The following EFS variants were observed in gnomAD, a reference collection of about 807,000 sequenced individuals.
EFS encodes embryonal Fyn-associated substrate, also known as Cas scaffolding protein family member 3.
A neutral mutation model predicts 42.2 loss-of-function variants in EFS; 34 were observed. The ratio of observed to expected loss-of-function variants is 0.81; its 90% CI spans 0.61 to 1.07. The LOEUF (loss-of-function observed/expected upper bound fraction) is 1.07, where lower values mean the gene tolerates loss of function less well. Ranked by LOEUF, EFS falls within the 50% of genes least tolerant of loss-of-function variation. The probability of loss-of-function intolerance (pLI) is 0.00; values close to 1 mark genes in which losing one functional copy is unlikely to be tolerated. For missense variants in EFS, 717 were observed against 729.4 expected, an observed-to-expected ratio of 0.98 and a Z score of 0.20; for synonymous variants, 299 against 320.7, an observed-to-expected ratio of 0.93 and a Z score of 0.72.
At chr14:23,363,841 G>A (rs1890233400) in intron 1 of EFS, among the ~76,000 whole-genome samples, 2 of 152,116 alleles carry the variant, frequency 1.3e-5, no homozygotes, top group Non-Finnish European at 2.9e-5. Context: ...GGCTGAGGTA[G>A]GTGGATCACC....
rs1889936173 is a variant in EFS at position 23,357,092 on chromosome 14, G to A, written c.*134C>T. On this transcript the variant is annotated 3_prime_UTR_variant, in exon 6 of 6. Coordinates refer to ENST00000216733, the MANE Select transcript of EFS (RefSeq NM_005864.4). ...AGAAGACACCTCTGTGAGAGGTTGA[G>A]ATGAGCAGAAAGGGCAGGAAAGGGG... 7.4e-6 allele frequency: 6 copies of A among 805,578 alleles called. No homozygotes were observed. The South Asian group carries it at 1.9e-4, about 26-fold the overall frequency. The allele number at this position is 805,578 out of a possible 1,614,324, so 49.9% of individuals were successfully genotyped here.
At chr14:23,358,463 G>A (rs1350840288) in intron 5 of EFS, among the ~76,000 whole-genome samples, 2 of 152,188 alleles carry the variant, frequency 1.3e-5, no homozygotes, top group Non-Finnish European at 2.9e-5. Flanking sequence ...CACTTTCTGA[G>A]GCCTGGAGAG....
intron 1 of EFS, among the ~76,000 whole-genome samples, chr14:23,363,798 G>A (rs1414780251): frequency 6.6e-6 from 1 of 152,132 alleles, no homozygotes; most frequent in Non-Finnish European, 1.5e-5. Context: ...AGCTGATGTG[G>A]TGGTGCGTGC....
rs769984243 is a variant in EFS, at chr14:23,357,298, C to A, written c.1614G>T (p.Met538Ile). The A allele has an allele frequency of 4.4e-6, 7 of 1,608,822 alleles. No individual in the cohort carries two copies. Among genetic ancestry groups the A allele is most frequent in the South Asian group, 3.3e-5 (3 of 90,728 alleles). ...GYPSSPAIQE[M>I]VQCVTELAGQ... ...CTGCCAGTTCTGTTACACACTGCACCATCTCTTGGATGGCAGGGCTGGATG... is the reference window on the plus strand; with the variant it reads ...CTGCCAGTTCTGTTACACACTGCACAATCTCTTGGATGGCAGGGCTGGATG... The change falls in exon 6 of 6, where the codon ATG (methionine) becomes ATT (isoleucine). Residue 538 changes from methionine to isoleucine, a missense_variant. Coordinates refer to ENST00000216733, the MANE Select transcript of EFS (RefSeq NM_005864.4).
Position 23,365,003 on chromosome 14 carries a change from C to A in EFS, c.18+5G>T. On this transcript the variant is annotated splice_donor_5th_base_variant and intron_variant, in intron 1 of 5. Transcript: ENST00000216733. The surrounding 1 kb of genome is among the most constrained non-coding windows in gnomAD (Gnocchi z 5.3). Reference sequence around the variant, plus strand: ...CCGGCAGCCTCCACTCCCTGGTGGACTCACCGACGTGGCAATGGCCATGGC... The same window carrying A: ...CCGGCAGCCTCCACTCCCTGGTGGAATCACCGACGTGGCAATGGCCATGGC... 1 of 1,334,558 alleles carries A rather than the reference C, an allele frequency of 7.5e-7. No individual in the cohort carries two copies. Among genetic ancestry groups the A allele is most frequent in the Non-Finnish European group, 9.7e-7 (1 of 1,032,364 alleles). The allele number at this position is 1,334,558 out of a possible 1,614,324, so 82.7% of individuals were successfully genotyped here.
At position 23,359,780 on chromosome 14, in the gene EFS, T is replaced by C; in HGVS notation, c.698A>G (p.Tyr233Cys). Residue 233 changes from tyrosine to cysteine, a missense_variant, in exon 4 of 6, where the codon TAT becomes TGT. Transcript: ENST00000216733. ...LKRASALLNL[Y>C]EAPEELLADG... ...TGCCAGCAGTTCCTCGGGTGCTTCA[T>C]ACAAATTGAGTAAGGCTGACGCTCG... 2.6e-6 allele frequency: 4 copies of C among 1,520,652 alleles called. No individual in the cohort carries two copies. The highest frequency in any genetic ancestry group is 1.8e-6 in the Non-Finnish European group (2 of 1,136,228). 94.2% of individuals were successfully genotyped at this position (1,520,652 alleles called of 1,614,324 possible).
intron 1 of EFS, 82 bp from the exon 2 acceptor site, chr14:23,360,915 C>T (rs959988036): frequency 3.7e-6 from 5 of 1,367,374 alleles, no homozygotes; most frequent in Non-Finnish European, 4.8e-6. Flanking sequence ...CCCTTCGGAG[C>T]TCCGCATTTC....
chr14:23,359,959 C>A lies in EFS; in HGVS notation c.519G>T (p.Leu173=). Residue 173 remains leucine (L), a synonymous_variant, in exon 4 of 6, where the codon CTG becomes CTT. Transcript: ENST00000216733. The part of the protein sequence containing the change: ...YDCPASFSHP[L]TRVAPQPPGE... ...CAGGGGGCTGCGGGGCAACCCGGGT[C>A]AGAGGGTGGGAAAAGGAGGCAGGGC... The A allele has an allele frequency of 6.4e-7, 1 of 1,573,948 alleles. No homozygotes were observed. The highest frequency in any genetic ancestry group is 8.6e-7 in the Non-Finnish European group (1 of 1,161,196).
Position 23,357,666 on chromosome 14 carries a change from G to A in EFS, c.1252-6C>T. The A allele has an allele frequency of 6.6e-7, 1 of 1,514,608 alleles. No individual in the cohort carries two copies. 93.8% of individuals were successfully genotyped at this position (1,514,608 alleles called of 1,614,324 possible). On this transcript the variant is annotated splice_region_variant and splice_polypyrimidine_tract_variant and intron_variant, in intron 5 of 5. Coordinates refer to ENST00000216733, the MANE Select transcript of EFS (RefSeq NM_005864.4). The stretch of plus-strand genomic sequence containing the variant: ...TCCCCTGGGGACAGGGCCTCCTGAA[G>A]GGCAAGAGGAGTGGTCAGAGAGAAC...
intron 4 of EFS, 95 bp from the exon 5 acceptor site, chr14:23,359,060 C>A: frequency 8.2e-7 from 1 of 1,226,650 alleles, no homozygotes; most frequent in South Asian, 1.5e-5. Flanking sequence ...CCCCTTCCTT[C>A]CGAAGGACAC....
At chr14:23,362,011 G>GT in intron 1 of EFS, among the ~76,000 whole-genome samples, 1 of 152,234 alleles carries the variant, frequency 6.6e-6, no homozygotes, top group Non-Finnish European at 1.5e-5. Flanking sequence ...AATTACAAAT[G>GT]TAGGAATCTA....
rs764112476 is a variant in EFS at position 23,359,751 on chromosome 14, C to T, written c.727G>A (p.Gly243Arg). The change falls in exon 4 of 6, where the codon GGG (glycine) becomes AGG (arginine). Residue 243 changes from glycine (G) to arginine (R), a missense_variant. Transcript: ENST00000216733. Reference sequence around the variant, plus strand: ...CCCTCATCAGTGCCCCCGCCCTCCCCGTCTGCCAGCAGTTCCTCGGGTGCT... The same window carrying T: ...CCCTCATCAGTGCCCCCGCCCTCCCTGTCTGCCAGCAGTTCCTCGGGTGCT... ...YEAPEELLAD[G>R]EGGGTDEGIY... 11 of 1,515,294 alleles carry T rather than the reference C, an allele frequency of 7.3e-6. No individual in the cohort carries two copies. Among genetic ancestry groups the T allele is most frequent in the African/African-American group, 4.2e-5 (3 of 71,458 alleles). 93.9% of individuals were successfully genotyped at this position (1,515,294 alleles called of 1,614,324 possible).
Position 23,357,672 on chromosome 14 carries a change from G to A in EFS, c.1252-12C>T. Reference sequence around the variant, plus strand: ...GGGGACAGGGCCTCCTGAAGGGCAAGAGGAGTGGTCAGAGAGAACATTCTC... The same window carrying A: ...GGGGACAGGGCCTCCTGAAGGGCAAAAGGAGTGGTCAGAGAGAACATTCTC... On this transcript the variant is annotated splice_polypyrimidine_tract_variant and intron_variant, in intron 5 of 5. Coordinates refer to ENST00000216733, the MANE Select transcript of EFS (RefSeq NM_005864.4). 6.6e-7 allele frequency: 1 copy of A among 1,511,392 alleles called. No individual in the cohort carries two copies. The highest frequency in any genetic ancestry group is 2.3e-5 in the East Asian group (1 of 43,320). 93.6% of individuals were successfully genotyped at this position (1,511,392 alleles called of 1,614,324 possible).
intron 4 of EFS, 79 bp downstream of exon 4, chr14:23,359,238 C>G: frequency 1.3e-6 from 2 of 1,599,002 alleles, no homozygotes; most frequent in Non-Finnish European, 1.7e-6. Context: ...GAGGCTCTGC[C>G]TCTGTGCCCT....
At chr14:23,358,838 CCT>C (rs1566489907) in intron 5 of EFS, 36 bp downstream of exon 5, 5 of 1,565,726 alleles carry the variant, frequency 3.2e-6, no homozygotes, top group South Asian at 2.4e-5. Flanking sequence ...TCCTCCCTCC[CCT>C]GTCCCCTTCT....
At position 23,360,196 on chromosome 14, in the gene EFS, TAGATGAGGTC is replaced by T. The variant is rs1206859247; in HGVS notation, c.373_382del (p.Asp125ThrfsTer46). On this transcript the variant is annotated frameshift_variant, in exon 3 of 6. Coordinates refer to ENST00000216733, the MANE Select transcript of EFS (RefSeq NM_005864.4). LOFTEE classifies it high-confidence loss of function. ...GGTCCCACTAGCTCTGGGGATTTTG[TAGATGAGGTC>T]AGGAGAGGGTGGGCAAGGTCCAGCT... 6.2e-7 allele frequency: 1 copy of T among 1,613,928 alleles called. No homozygotes were observed. The highest frequency in any genetic ancestry group is 8.5e-7 in the Non-Finnish European group (1 of 1,179,938).
chr14:23,361,634 G>C (rs1252632219), intron 1 of EFS, among the ~76,000 whole-genome samples: 4 of 152,250 alleles, frequency 2.6e-5, no homozygotes, highest in African/African-American at 9.6e-5. Flanking sequence ...GTGTGTGAAG[G>C]GGGTTGGCAG....
rs768617830 is a variant in EFS at position 23,359,711 on chromosome 14, G to A, written c.767C>T (p.Pro256Leu). Residue 256 changes from proline (P) to leucine (L), a missense_variant, in exon 4 of 6, where the codon CCT becomes CTT. Pro to Leu is a moderately conservative substitution (Grantham distance 98, BLOSUM62 -3). Coordinates refer to ENST00000216733, the MANE Select transcript of EFS (RefSeq NM_005864.4). Reference sequence around the variant, plus strand: ...AGGGGGAGCCTCTGGCCCCAGCAGAGGCACATCGTAGATCCCCTCATCAGT... The same window carrying A: ...AGGGGGAGCCTCTGGCCCCAGCAGAAGCACATCGTAGATCCCCTCATCAGT... The part of the protein sequence containing the change: ...GGTDEGIYDV[P>L]LLGPEAPPSP... 38 of 1,515,556 alleles carry A rather than the reference G, an allele frequency of 2.5e-5. No homozygotes were observed. The East Asian group carries it at 7.4e-4, about 29-fold the overall frequency. The allele number at this position is 1,515,556 out of a possible 1,614,324, so 93.9% of individuals were successfully genotyped here.
chr14:23,364,878 G>T (rs1595031527), intron 1 of EFS, 130 bp downstream of exon 1: 1 of 821,906 alleles, frequency 1.2e-6, no homozygotes, highest in South Asian at 6.2e-5. Context: ...TGAGAGGAGG[G>T]GGACACAGCC....
Sources: allele counts gnomAD v4.1 joint callset (sites outside exome capture counted in the v4.1 genomes callset), GRCh38; gene constraint gnomAD v4.1.1; non-coding constraint Gnocchi (gnomAD v3.1); transcripts MANE v1.5; gene names NCBI Gene and HGNC (gene_info 2026-07-23, HGNC 2026-07-21).